The following PRTG variants were observed in gnomAD, a reference collection of about 807,000 sequenced individuals.
PRTG encodes immunoglobulin superfamily, DCC subclass, member 5.
PRTG carries 67 observed loss-of-function variants against 122.5 expected under a neutral mutation model. That is an observed-to-expected ratio of 0.55 (90% confidence interval 0.45 to 0.67). PRTG has a LOEUF of 0.67. Ranked by LOEUF, PRTG falls within the 30% of genes least tolerant of loss-of-function variation. The pLI is 0.00. For synonymous variants in PRTG, 554 were observed against 501.1 expected (o/e 1.11, Z -1.41); for missense variants, 1,435 against 1,415.4 (o/e 1.01, Z -0.22).
intron 11 of PRTG, among the ~76,000 whole-genome samples, chr15:55,652,577 G>A (rs777040500): frequency 6.6e-6 from 1 of 152,008 alleles, no homozygotes; most frequent in Non-Finnish European, 1.5e-5. Context: ...CCAGCGGTAC[G>A]GCCTGCTCTG....
chr15:55,650,942 G>C (rs2059350162), intron 11 of PRTG, among the ~76,000 whole-genome samples: 1 of 152,112 alleles, frequency 6.6e-6, no homozygotes, highest in South Asian at 2.1e-4. Flanking sequence ...ACTCCAGCCT[G>C]GGTGACAGAG....
intron 2 of PRTG, among the ~76,000 whole-genome samples, chr15:55,736,551 T>C (rs1231284223): frequency 3.3e-5 from 5 of 152,098 alleles, no homozygotes; most frequent in African/African-American, 1.2e-4. Context: ...TAACTTAAAT[T>C]GATGTATGTT....
At chr15:55,715,869 A>G (rs1349998274) in intron 2 of PRTG, among the ~76,000 whole-genome samples, 2 of 152,262 alleles carry the variant, frequency 1.3e-5, no homozygotes, top group Non-Finnish European at 2.9e-5. Flanking sequence ...GTGATAAGAC[A>G]TTTGGATAAA....
At position 55,697,512 on chromosome 15, in the gene PRTG, C is replaced by CTGTT. The variant is rs57492085; in HGVS notation, c.398-13585_398-13582dup. Among the ~76,000 whole-genome samples, 70 of 152,150 alleles carry CTGTT rather than the reference C, an allele frequency of 4.6e-4. No individual in the cohort carries two copies. In the Middle Eastern group the frequency reaches 0.01, roughly 22 times the overall value. On this transcript the variant is annotated intron_variant, in intron 2 of 19. Coordinates refer to ENST00000389286, the MANE Select transcript of PRTG (RefSeq NM_173814.6). ...TACAGCCCTAAGCAAATTTCTTTTTCTGTTTGTTTGTTTGTTTGAGATGGA... is the reference window on the plus strand; with the variant it reads ...TACAGCCCTAAGCAAATTTCTTTTTCTGTTTGTTTGTTTGTTTGTTTGAGATGGA...
rs962473442 is a variant in PRTG at position 55,743,114 on chromosome 15, G to C, written c.-183C>G. Reference sequence around the variant, plus strand: ...GGCTGGTGCTCGGACGGCCGCTCGCGAGAAGCAAGGGGCCTGAGAGTCCGG... The same window carrying C: ...GGCTGGTGCTCGGACGGCCGCTCGCCAGAAGCAAGGGGCCTGAGAGTCCGG... On this transcript the variant is annotated 5_prime_UTR_variant, in exon 1 of 20. Transcript: ENST00000389286. 152 of 1,277,338 alleles carry C rather than the reference G, an allele frequency of 1.2e-4. No individual in the cohort carries two copies. Among genetic ancestry groups the C allele is most frequent in the Non-Finnish European group, 1.4e-4 (140 of 1,016,680 alleles). The allele number at this position is 1,277,338 out of a possible 1,614,324, so 79.1% of individuals were successfully genotyped here.
intron 11 of PRTG, among the ~76,000 whole-genome samples, chr15:55,665,024 C>T (rs55950658): frequency 6.6e-6 from 1 of 151,770 alleles, no homozygotes; most frequent in East Asian, 2.0e-4. Flanking sequence ...TTTGGGAGGC[C>T]GAGGCGGGTG....
At chr15:55,686,323 C>G (rs1372381087) in intron 2 of PRTG, among the ~76,000 whole-genome samples, 1 of 152,064 alleles carries the variant, frequency 6.6e-6, no homozygotes, top group African/African-American at 2.4e-5. Context: ...AGTCCATATT[C>G]AATTGACAGA....
At chr15:55,676,636 T>C (rs565490278) in intron 8 of PRTG, among the ~76,000 whole-genome samples, 36 of 152,290 alleles carry the variant, frequency 2.4e-4, no homozygotes, top group Non-Finnish European at 3.5e-4. Flanking sequence ...AGCTGCATAG[T>C]ACGATTTCTG....
chr15:55,680,822 C>A (rs2059533814), intron 4 of PRTG, among the ~76,000 whole-genome samples, 194 bp from the exon 5 acceptor site: 1 of 152,048 alleles, frequency 6.6e-6, no homozygotes, highest in African/African-American at 2.4e-5. Context: ...CAGAGTTGTA[C>A]AACTATTACC....
At chr15:55,671,493 T>C (rs2059471155) in intron 11 of PRTG, among the ~76,000 whole-genome samples, 1 of 152,198 alleles carries the variant, frequency 6.6e-6, no homozygotes, top group African/African-American at 2.4e-5. Flanking sequence ...CCATGTATTC[T>C]TTTCTTTTTT....
In PRTG at chr15:55,628,840, C is replaced by G. The variant is rs2141718226; in HGVS notation, c.2788G>C (p.Asp930His). The G allele has an allele frequency of 6.2e-7, 1 of 1,613,216 alleles. No homozygotes were observed. The highest frequency in any genetic ancestry group is 8.5e-7 in the Non-Finnish European group (1 of 1,179,496). ...SESNQRPKRLDSADAKVYSGY... is the reference protein window; with the variant it reads ...SESNQRPKRLHSADAKVYSGY... ...TACAGACCTTTGGCATCAGCAGAAT[C>G]TAAACGCTTGGGCCTCTGATTTGAT... The change falls in exon 16 of 20, where the codon GAT becomes CAT. Residue 930 changes from aspartate to histidine, a missense_variant. By Grantham distance (81) the Asp-to-His change is moderately conservative (BLOSUM62 -1). Transcript: ENST00000389286.
intron 11 of PRTG, among the ~76,000 whole-genome samples, chr15:55,663,789 G>A (rs576192948): frequency 1.6e-4 from 24 of 152,134 alleles, no homozygotes; most frequent in African/African-American, 3.9e-4. Flanking sequence ...TGATCCACCC[G>A]CCTCGGCCTC....
rs375774306 is a variant in PRTG at position 55,708,893 on chromosome 15, C to T, written c.398-24962G>A. On this transcript the variant is annotated intron_variant, in intron 2 of 19. Transcript: ENST00000389286. The stretch of plus-strand genomic sequence containing the variant: ...GGTGCAGTGACTCATGCCTGTAATC[C>T]CAGCACTTTGGGAGTCCGAGGCAGG... Among the ~76,000 whole-genome samples the T allele has an allele frequency of 6.6e-5, 10 of 151,712 alleles. No homozygotes were observed. In the East Asian group the frequency reaches 1.2e-3, roughly 18 times the overall value.
At chr15:55,670,731 G>A (rs964521403) in intron 11 of PRTG, among the ~76,000 whole-genome samples, 6 of 151,978 alleles carry the variant, frequency 3.9e-5, no homozygotes, top group South Asian at 2.1e-4. Flanking sequence ...AGAAACCCCC[G>A]TCTCTGCTAA....
chr15:55,706,953 C>T (rs2030150212), intron 2 of PRTG, among the ~76,000 whole-genome samples: 2 of 152,172 alleles, frequency 1.3e-5, no homozygotes, highest in Non-Finnish European at 1.5e-5. Context: ...GACTATCAGG[C>T]CCCAGCCCAG....
chr15:55,680,673 G>A (rs1330482311), intron 4 of PRTG, 45 bp from the exon 5 acceptor site: 2 of 1,264,188 alleles, frequency 1.6e-6, no homozygotes, highest in Non-Finnish European at 1.1e-6. Context: ...TTATAAATAA[G>A]ATATAATAAG....
At chr15:55,667,372 AT>A (rs779943273) in intron 11 of PRTG, among the ~76,000 whole-genome samples, 13 of 151,820 alleles carry the variant, frequency 8.6e-5, no homozygotes, top group East Asian at 1.9e-4. Context: ...TAGTAGCAGG[AT>A]TTTTTTTAGA....
At position 55,619,808 on chromosome 15, in the gene PRTG, T is replaced by C. The variant is rs2059156314; in HGVS notation, c.*204A>G. On this transcript the variant is annotated 3_prime_UTR_variant, in exon 20 of 20. Coordinates refer to ENST00000389286, the MANE Select transcript of PRTG (RefSeq NM_173814.6). Reference sequence around the variant, plus strand: ...ATTTTCACAAAAGGCTTTGGTTCCCTGTTCATTGTCCTTCGAACAGATTTA... The same window carrying C: ...ATTTTCACAAAAGGCTTTGGTTCCCCGTTCATTGTCCTTCGAACAGATTTA... 2.6e-6 allele frequency: 2 copies of C among 773,502 alleles called. No individual in the cohort carries two copies. The highest frequency in any genetic ancestry group is 3.3e-5 in the Admixed American group (1 of 30,754). The allele number at this position is 773,502 out of a possible 1,614,324, so 47.9% of individuals were successfully genotyped here. A position where few individuals can be genotyped will look rare whatever the true frequency, so the allele number is the denominator to read the frequency against.
intron 2 of PRTG, among the ~76,000 whole-genome samples, chr15:55,718,556 GCTGA>G (rs1404858557): frequency 6.7e-6 from 1 of 148,638 alleles, no homozygotes; most frequent in Admixed American, 6.7e-5. Context: ...ATCTCCCTTC[GCTGA>G]CTCTTTTCAG....
Sources: gnomAD v4.1 joint callset for allele counts (sites outside exome capture counted in the v4.1 genomes callset) on GRCh38, gnomAD v4.1.1 for gene constraint, MANE v1.5 for transcripts, NCBI Gene and HGNC (gene_info 2026-07-23, HGNC 2026-07-21) for gene names.